The following ECHDC1 variants were observed in gnomAD, a reference collection of about 807,000 sequenced individuals.
ECHDC1 encodes ethylmalonyl-CoA decarboxylase.
A neutral mutation model predicts 29.7 loss-of-function variants in ECHDC1; 29 were observed. The observed-to-expected ratio is 0.98, with a 90% CI of 0.73 to 1.33. The LOEUF is 1.33. Among genes scored for constraint, ECHDC1 ranks in the 40% most tolerant of loss-of-function variants. ECHDC1 has a pLI of 0.00. For synonymous variants in ECHDC1, 126 were observed against 123.1 expected, an observed-to-expected ratio of 1.02 and a Z score of -0.15; for missense variants, 328 against 350.0, an observed-to-expected ratio of 0.94 and a Z score of 0.50.
intron 5 of ECHDC1, among the ~76,000 whole-genome samples, chr6:127,305,818 CAATT>C (rs1476295434): frequency 3.3e-5 from 5 of 151,586 alleles, no homozygotes; most frequent in African/African-American, 1.2e-4. Context: ...ATACACAAAA[CAATT>C]AAAAGCAAGA....
intron 5 of ECHDC1, among the ~76,000 whole-genome samples, chr6:127,302,646 C>T (rs1781140674): frequency 6.6e-6 from 1 of 152,138 alleles, no homozygotes; most frequent in Admixed American, 6.6e-5. Flanking sequence ...GTGATCCACC[C>T]ACCTCGATCT....
chr6:127,329,282 G>C (rs1275302345), intron 2 of ECHDC1, among the ~76,000 whole-genome samples: 1 of 152,138 alleles, frequency 6.6e-6, no homozygotes, highest in East Asian at 1.9e-4. Flanking sequence ...CAAGGGCCTT[G>C]AGTGCTCATT....
At chr6:127,299,219 T>C (rs965135810) in intron 5 of ECHDC1, among the ~76,000 whole-genome samples, 1 of 152,020 alleles carries the variant, frequency 6.6e-6, no homozygotes, top group Non-Finnish European at 1.5e-5. Flanking sequence ...TGTAGAAAAT[T>C]AAATGTAAAA....
chr6:127,313,076 TA>T (rs1020627371), intron 5 of ECHDC1: 4 of 152,330 alleles, frequency 2.6e-5, no homozygotes, highest in African/African-American at 9.7e-5. Context: ...ATAGGGGTGA[TA>T]AAAATGTTCT....
At chr6:127,296,602 A>T (rs1243393087) in intron 5 of ECHDC1, among the ~76,000 whole-genome samples, 1 of 152,232 alleles carries the variant, frequency 6.6e-6, no homozygotes, top group Non-Finnish European at 1.5e-5. Flanking sequence ...ACTTTAAAAA[A>T]TTGAAGGAAA....
chr6:127,316,849 GAGA>G (rs1241136401), intron 3 of ECHDC1, among the ~76,000 whole-genome samples: 1 of 151,956 alleles, frequency 6.6e-6, no homozygotes, highest in Non-Finnish European at 1.5e-5. Context: ...AAACATATAA[GAGA>G]AGAAGGGAAA....
chr6:127,314,747 T>C, intron 5 of ECHDC1, 69 bp downstream of exon 5: 1 of 1,251,956 alleles, frequency 8.0e-7, no homozygotes, highest in Non-Finnish European at 1.1e-6. Flanking sequence ...AATATTGATA[T>C]TAAGGCAAAA....
rs1268976616 is a variant in ECHDC1, at chr6:127,289,263, C to T, written c.*606G>A. 2 of 151,918 alleles carry T rather than the reference C, an allele frequency of 1.3e-5. No individual in the cohort carries two copies. The highest frequency in any genetic ancestry group is 2.9e-5 in the Non-Finnish European group (2 of 67,942). 9.4% of individuals were successfully genotyped at this position (151,918 alleles called of 1,614,324 possible). On this transcript the variant is annotated 3_prime_UTR_variant, in exon 6 of 6. Coordinates refer to ENST00000454859, the MANE Select transcript of ECHDC1 (RefSeq NM_001002030.2). ...CAGTTGACTTTCCATGTCATGGCTACCACTGTTTAGTAGGTAATTTACAAT... is the reference window on the plus strand; with the variant it reads ...CAGTTGACTTTCCATGTCATGGCTATCACTGTTTAGTAGGTAATTTACAAT...
intron 5 of ECHDC1, among the ~76,000 whole-genome samples, chr6:127,293,504 C>A (rs1265124662): frequency 6.6e-6 from 1 of 152,058 alleles, no homozygotes; most frequent in Non-Finnish European, 1.5e-5. Flanking sequence ...AAACATGGTA[C>A]AAAGAGGAGA....
At chr6:127,333,666 T>TAC (rs10523734) in intron 1 of ECHDC1, among the ~76,000 whole-genome samples, 10,600 of 127,920 alleles carry the variant, frequency 0.083, 446 homozygotes, top group African/African-American at 0.096. Flanking sequence ...CTCTTTCTCT[T>TAC]ACACACACAC....
intron 2 of ECHDC1, among the ~76,000 whole-genome samples, chr6:127,328,881 G>T (rs1197172440): frequency 2.0e-5 from 3 of 151,964 alleles, no homozygotes; most frequent in African/African-American, 7.2e-5. Flanking sequence ...AAAAAAACTA[G>T]CCGGGCGTGG....
intron 5 of ECHDC1, among the ~76,000 whole-genome samples, chr6:127,305,595 AACT>A (rs1781379427): frequency 6.6e-6 from 1 of 152,206 alleles, no homozygotes; most frequent in Admixed American, 6.5e-5. Context: ...CAAAAATAAT[AACT>A]ACAACTTTTC....
intron 3 of ECHDC1, 88 bp downstream of exon 3, chr6:127,326,911 GTCA>G: frequency 7.2e-7 from 1 of 1,389,246 alleles, no homozygotes; most frequent in Non-Finnish European, 9.7e-7. Context: ...AGTTATTAAA[GTCA>G]TCATAACCAT....
rs1373720528 is a variant in ECHDC1 at position 127,311,627 on chromosome 6, T to C, written c.497+3189A>G. Among the ~76,000 whole-genome samples the C allele has an allele frequency of 3.9e-5, 5 of 127,660 alleles. No homozygotes were observed. In the East Asian group the frequency reaches 8.8e-4, roughly 23 times the overall value. The allele number at this position is 127,660 out of a possible 152,430, so 83.7% of individuals were successfully genotyped here. Reference sequence around the variant, plus strand: ...AGGTGGAGGTTGCAGTGAGCTGAGATCGTGCCATTGCACTCCAGCCTGGGT... The same window carrying C: ...AGGTGGAGGTTGCAGTGAGCTGAGACCGTGCCATTGCACTCCAGCCTGGGT... On this transcript the variant is annotated intron_variant, in intron 5 of 5. Coordinates refer to ENST00000454859, the MANE Select transcript of ECHDC1 (RefSeq NM_001002030.2).
chr6:127,318,559 C>T, intron 3 of ECHDC1, among the ~76,000 whole-genome samples: 1 of 152,122 alleles, frequency 6.6e-6, no homozygotes, highest in East Asian at 1.9e-4. Flanking sequence ...ATACAAAGTG[C>T]TTGAACAAAC....
chr6:127,314,965 T>C (rs762001020), intron 4 of ECHDC1, 69 bp from the exon 5 acceptor site: 1 of 1,434,570 alleles, frequency 7.0e-7, no homozygotes, highest in African/African-American at 1.4e-5. Flanking sequence ...TGTTATTTTT[T>C]AAAAAATCTT....
chr6:127,334,255 C>T (rs1005506728), intron 1 of ECHDC1, among the ~76,000 whole-genome samples: 5 of 152,082 alleles, frequency 3.3e-5, no homozygotes, highest in Non-Finnish European at 7.4e-5. Context: ...AAACCCATTA[C>T]TCCTTCTTTC....
intron 3 of ECHDC1, among the ~76,000 whole-genome samples, chr6:127,320,609 G>C (rs1251372469): frequency 6.6e-6 from 1 of 152,188 alleles, no homozygotes; most frequent in Non-Finnish European, 1.5e-5. Context: ...ACTGCACTTT[G>C]ATTACTTATT....
At chr6:127,328,850 C>A (rs1221160958) in intron 2 of ECHDC1, among the ~76,000 whole-genome samples, 1 of 151,990 alleles carries the variant, frequency 6.6e-6, no homozygotes. Flanking sequence ...CACGGTGAAA[C>A]CCCTTCTCTA....
Sources: allele counts gnomAD v4.1 joint callset (sites outside exome capture counted in the v4.1 genomes callset), GRCh38; gene constraint gnomAD v4.1.1; transcripts MANE v1.5; gene names NCBI Gene and HGNC (gene_info 2026-07-23, HGNC 2026-07-21).